The following GARNL3 variants were observed in gnomAD, a reference collection of about 807,000 sequenced individuals.
GARNL3 encodes GTPase activating Rap/RanGAP domain like 3, also known as GTPase-activating Rap/Ran-GAP domain-like protein 3.
A neutral mutation model predicts 125.0 loss-of-function variants in GARNL3; 63 were observed. The ratio of observed to expected loss-of-function variants is 0.50; its 90% confidence interval spans 0.41 to 0.62. The LOEUF (loss-of-function observed/expected upper bound fraction) is 0.62, where lower values mean the gene tolerates loss of function less well. GARNL3 is among the 20% of genes least tolerant of loss of function. The pLI is 0.00. For missense variants in GARNL3, 994 were observed against 1,244.0 expected (o/e 0.80, Z 3.02); for synonymous variants, 439 against 457.5 (o/e 0.96, Z 0.52).
chr9:127,363,292 C>G (rs557474668), intron 21 of GARNL3: 1 of 152,416 alleles, frequency 6.6e-6, no homozygotes, highest in African/African-American at 2.4e-5. Flanking sequence ...TCACTCCCTG[C>G]TGAGCTCCTG....
intron 1 of GARNL3, among the ~76,000 whole-genome samples, chr9:127,270,840 GC>G (rs2063806421): frequency 6.6e-6 from 1 of 151,980 alleles, no homozygotes; most frequent in Non-Finnish European, 1.5e-5. Context: ...TTGATTTCTG[GC>G]CCCCCAGTCC....
intron 16 of GARNL3, among the ~76,000 whole-genome samples, chr9:127,348,318 T>G (rs1267389154): frequency 6.6e-6 from 1 of 152,230 alleles, no homozygotes; most frequent in East Asian, 1.9e-4. Flanking sequence ...GGAAATGAAC[T>G]AAGAAGAGTT....
chr9:127,254,769 A>C (rs911138706), intron 2 of GARNL3, among the ~76,000 whole-genome samples: 3 of 102,646 alleles, frequency 2.9e-5, no homozygotes, highest in Admixed American at 1.0e-4. Context: ...ATTCTGTCTC[A>C]AAAAAAAAAA....
chr9:127,299,596 A>C (rs1296614532), intron 2 of GARNL3, among the ~76,000 whole-genome samples: 1 of 151,370 alleles, frequency 6.6e-6, no homozygotes, highest in Non-Finnish European at 1.5e-5. Context: ...TTTGAGATGG[A>C]GTCTCGCTCT....
intron 2 of GARNL3, among the ~76,000 whole-genome samples, chr9:127,252,308 G>A (rs1413552408): frequency 6.6e-6 from 1 of 152,178 alleles, no homozygotes; most frequent in African/African-American, 2.4e-5. Flanking sequence ...CAACAAAATT[G>A]TAGACTACAG....
At chr9:127,229,591 A>G (rs1231135814) in intron 1 of GARNL3, among the ~76,000 whole-genome samples, 1 of 152,166 alleles carries the variant, frequency 6.6e-6, no homozygotes, top group Admixed American at 6.5e-5. Flanking sequence ...GAACTCCTGG[A>G]CTTAAGCGAT....
Position 127,339,836 on chromosome 9 carries a change from A to T in GARNL3, c.1135+85A>T, listed in dbSNP as rs1180254449. 4.5e-6 allele frequency: 4 copies of T among 883,164 alleles called. No individual in the cohort carries two copies. The African/African-American group carries it at 6.6e-5, about 14-fold the overall frequency. 54.7% of individuals were successfully genotyped at this position (883,164 alleles called of 1,614,324 possible). On this transcript the variant is annotated intron_variant, in intron 13 of 27. Transcript: ENST00000373387. ...GATTCTCCCAGAATGCTGTTTAAGG[A>T]AATGTCATTGTTTAAGCATTCCATG...
rs1300455796 is a variant in GARNL3, at chr9:127,280,075, C to T, written c.145-11093C>T. ...GGGCTTAGGAACTACCAGTAGCAGT[C>T]TGGTTGAAAGAGGCGTATTGAAGTA... On this transcript the variant is annotated intron_variant, in intron 1 of 27. Coordinates refer to ENST00000373387, the MANE Select transcript of GARNL3 (RefSeq NM_032293.5). The surrounding 1 kb of genome is among the most constrained non-coding windows in gnomAD (Gnocchi z 4.5). Among the ~76,000 whole-genome samples, 1 of 152,158 alleles carries T rather than the reference C, an allele frequency of 6.6e-6. No individual in the cohort carries two copies. Among genetic ancestry groups the T allele is most frequent in the Non-Finnish European group, 1.5e-5 (1 of 68,032 alleles).
intron 1 of GARNL3, among the ~76,000 whole-genome samples, chr9:127,230,223 C>A (rs967450845): frequency 1.3e-5 from 2 of 152,216 alleles, no homozygotes; most frequent in African/African-American, 4.8e-5. Context: ...ATTGCGTAAC[C>A]CCTCTGAACC....
chr9:127,350,737 C>A (rs557700299), intron 17 of GARNL3, among the ~76,000 whole-genome samples: 81 of 151,844 alleles, frequency 5.3e-4, no homozygotes, highest in African/African-American at 1.8e-3. Flanking sequence ...GATCGCAGCA[C>A]TGCACTCCAG....
intron 1 of GARNL3, chr9:127,224,640 CGAG>C (rs2062864235): frequency 2.0e-5 from 3 of 153,038 alleles, no homozygotes; most frequent in Non-Finnish European, 4.4e-5. Context: ...GGTGCTGAGG[CGAG>C]GAGAGGCCGA....
intron 1 of GARNL3, among the ~76,000 whole-genome samples, chr9:127,269,129 G>A (rs1463185180): frequency 6.6e-6 from 1 of 152,128 alleles, no homozygotes; most frequent in African/African-American, 2.4e-5. Flanking sequence ...CTCCCAAGTA[G>A]CTGGTATTAC....
chr9:127,258,177 G>T (rs1351205592), intron 2 of GARNL3, among the ~76,000 whole-genome samples: 1 of 152,098 alleles, frequency 6.6e-6, no homozygotes, highest in Non-Finnish European at 1.5e-5. Flanking sequence ...ACATGGTATT[G>T]TACCCCCAGA....
rs1172133560 is a variant in GARNL3, at chr9:127,392,306, GAGA to G, written c.2871-771_2871-769del. Among the ~76,000 whole-genome samples the G allele has an allele frequency of 1.3e-5, 2 of 152,262 alleles. No homozygotes were observed. The highest frequency in any genetic ancestry group is 6.5e-5 in the Admixed American group (1 of 15,292). Reference sequence around the variant, plus strand: ...ATAGTGACAAGTGCTACAAGAAATTGAGAAGAAGTGACGGGGCTGGCACATAGA... The same window carrying G: ...ATAGTGACAAGTGCTACAAGAAATTGAGAAGTGACGGGGCTGGCACATAGA... On this transcript the variant is annotated intron_variant, in intron 27 of 27. Coordinates refer to ENST00000373387, the MANE Select transcript of GARNL3 (RefSeq NM_032293.5). The surrounding 1 kb of genome is among the most constrained non-coding windows in gnomAD (Gnocchi z 5.2).
chr9:127,315,297 G>A (rs2065210548), intron 4 of GARNL3, among the ~76,000 whole-genome samples: 1 of 152,058 alleles, frequency 6.6e-6, no homozygotes, highest in Admixed American at 6.6e-5. Flanking sequence ...TTCAACCCTC[G>A]CTCTCCCAAC....
At chr9:127,318,537 T>C (rs2131501715) in intron 5 of GARNL3, among the ~76,000 whole-genome samples, 1 of 152,326 alleles carries the variant, frequency 6.6e-6, no homozygotes, top group South Asian at 2.1e-4. Flanking sequence ...TATTTTTCCT[T>C]CCATTTTTCT....
At chr9:127,283,952 T>C (rs2064170181) in intron 1 of GARNL3, among the ~76,000 whole-genome samples, 1 of 152,242 alleles carries the variant, frequency 6.6e-6, no homozygotes, top group Non-Finnish European at 1.5e-5. Flanking sequence ...GCATTAGTGA[T>C]GTTACACATA....
intron 22 of GARNL3, among the ~76,000 whole-genome samples, chr9:127,365,815 G>A (rs970309504): frequency 1.3e-5 from 2 of 152,048 alleles, no homozygotes; most frequent in African/African-American, 2.4e-5. Context: ...GGTTTGCATC[G>A]GGTGCTCTCT....
intron 1 of GARNL3, among the ~76,000 whole-genome samples, chr9:127,273,131 C>T (rs58107676): frequency 0.017 from 2,543 of 152,242 alleles, 85 homozygotes; most frequent in African/African-American, 0.058. Flanking sequence ...AGGCCACACA[C>T]TGTAGATGCT....
Sources: gnomAD v4.1 joint callset for allele counts (sites outside exome capture counted in the v4.1 genomes callset) on GRCh38, gnomAD v4.1.1 for gene constraint, Gnocchi (gnomAD v3.1) non-coding constraint, MANE v1.5 for transcripts, NCBI Gene and HGNC (gene_info 2026-07-23, HGNC 2026-07-21) for gene names.